The following CNTNAP5 variants were observed in gnomAD, a reference collection of about 807,000 sequenced individuals.
CNTNAP5 encodes contactin associated protein family member 5, also known as contactin-associated protein-like 5.
A neutral mutation model predicts 150.2 loss-of-function variants in CNTNAP5; 72 were observed. The observed-to-expected ratio is 0.48, with a 90% CI of 0.40 to 0.58. The LOEUF (loss-of-function observed/expected upper bound fraction) is 0.58. Among genes scored for constraint, CNTNAP5 ranks in the 20% least tolerant of loss-of-function variants. The pLI, the probability that CNTNAP5 is intolerant of heterozygous loss-of-function variation, is 0.00. For missense variants in CNTNAP5, 1,636 were observed against 1,626.2 expected (o/e 1.01, Z -0.10); for synonymous variants, 672 against 619.8 (o/e 1.08, Z -1.25).
intron 19 of CNTNAP5, among the ~76,000 whole-genome samples, chr2:124,823,976 T>C (rs1234261259): frequency 2.6e-5 from 4 of 150,966 alleles, no homozygotes; most frequent in Non-Finnish European, 5.9e-5. Flanking sequence ...TGAAGTGCAA[T>C]GGCGGGATCT....
rs779655794 is a variant in CNTNAP5 at position 124,763,742 on chromosome 2, G to C, written c.2305G>C (p.Asp769His). The change falls in exon 15 of 24, where the codon GAC becomes CAC. Residue 769 changes from aspartate to histidine, a missense_variant. Transcript: ENST00000682447. Reference protein sequence around the residue: ...PVTQIVITDTDRSNSEAAWRI... With the variant: ...PVTQIVITDTHRSNSEAAWRI... The stretch of plus-strand genomic sequence containing the variant: ...CACTCAGATAGTTATCACTGATACC[G>C]ACAGATCAAACTCAGAAGCCGCTTG... 1.2e-6 allele frequency: 2 copies of C among 1,612,980 alleles called. No individual in the cohort carries two copies. Among genetic ancestry groups the C allele is most frequent in the Non-Finnish European group, 1.7e-6 (2 of 1,179,432 alleles).
intron 13 of CNTNAP5, among the ~76,000 whole-genome samples, chr2:124,659,064 C>G (rs951136789): frequency 6.6e-6 from 1 of 152,186 alleles, no homozygotes; most frequent in Non-Finnish European, 1.5e-5. Flanking sequence ...CTCACCATCT[C>G]TAAGCCTCAG....
At chr2:124,269,557 G>C (rs1481847359) in intron 3 of CNTNAP5, among the ~76,000 whole-genome samples, 1 of 152,134 alleles carries the variant, frequency 6.6e-6, no homozygotes, top group Admixed American at 6.5e-5. Context: ...GCCATGATAA[G>C]CACCAGGGAG....
intron 13 of CNTNAP5, among the ~76,000 whole-genome samples, chr2:124,678,937 T>G (rs2105066398): frequency 6.6e-6 from 1 of 152,044 alleles, no homozygotes; most frequent in South Asian, 2.1e-4. Context: ...CAATAAATGT[T>G]TATGAAGTAA....
rs917465067 is a variant in CNTNAP5 at position 124,328,785 on chromosome 2, G to A, written c.381+86392G>A. Reference sequence around the variant, plus strand: ...AGGGGGTAGTTTTTTATCCTGATCAGGTGAAAATTAAAATCTTTAGAAAGA... The same window carrying A: ...AGGGGGTAGTTTTTTATCCTGATCAAGTGAAAATTAAAATCTTTAGAAAGA... On this transcript the variant is annotated intron_variant, in intron 3 of 23. Coordinates refer to ENST00000682447, the MANE Select transcript of CNTNAP5 (RefSeq NM_001367498.1). Among the ~76,000 whole-genome samples, 9 of 152,090 alleles carry A rather than the reference G, an allele frequency of 5.9e-5. No individual in the cohort carries two copies. In the East Asian group the frequency reaches 1.7e-3, roughly 29 times the overall value.
At chr2:124,295,792 G>T (rs1165271790) in intron 3 of CNTNAP5, among the ~76,000 whole-genome samples, 1 of 152,050 alleles carries the variant, frequency 6.6e-6, no homozygotes, top group Non-Finnish European at 1.5e-5. Context: ...CAGAACTGAG[G>T]GTTCCTCCCA....
At chr2:124,597,513 C>A (rs1003109503) in intron 11 of CNTNAP5, among the ~76,000 whole-genome samples, 12 of 150,966 alleles carry the variant, frequency 7.9e-5, no homozygotes, top group Non-Finnish European at 1.3e-4. Context: ...AAGAGATCCG[C>A]TGTTAGTCTG....
At chr2:124,863,364 A>G (rs181768894) in intron 19 of CNTNAP5, among the ~76,000 whole-genome samples, 2 of 152,338 alleles carry the variant, frequency 1.3e-5, no homozygotes, top group African/African-American at 4.8e-5. Flanking sequence ...TGATCTGCAC[A>G]GTGACTCGCC....
intron 13 of CNTNAP5, among the ~76,000 whole-genome samples, chr2:124,674,554 C>G (rs143024175): frequency 1.6e-5 from 1 of 61,476 alleles, no homozygotes; most frequent in Non-Finnish European, 3.9e-5. Context: ...TTTCTTTCTT[C>G]CTTTCTTCCT....
chr2:124,751,359 G>A (rs915930346), intron 14 of CNTNAP5, among the ~76,000 whole-genome samples: 3 of 152,144 alleles, frequency 2.0e-5, no homozygotes, highest in Non-Finnish European at 2.9e-5. Context: ...AAGGAAAGGA[G>A]GAAGGTCAAA....
chr2:124,836,370 C>G (rs992268050), intron 19 of CNTNAP5, among the ~76,000 whole-genome samples: 1 of 152,116 alleles, frequency 6.6e-6, no homozygotes, highest in African/African-American at 2.4e-5. Flanking sequence ...TAAGTGGTCT[C>G]TAAAATGAAA....
intron 12 of CNTNAP5, among the ~76,000 whole-genome samples, chr2:124,625,476 G>A (rs1319392705): frequency 2.0e-5 from 3 of 148,948 alleles, no homozygotes; most frequent in Non-Finnish European, 2.9e-5. Flanking sequence ...TAGTATAGTA[G>A]TGATCAGAAA....
At chr2:124,517,882 G>T (rs891929138) in intron 8 of CNTNAP5, among the ~76,000 whole-genome samples, 2 of 151,350 alleles carry the variant, frequency 1.3e-5, no homozygotes, top group Non-Finnish European at 2.9e-5. Context: ...TGTAGTGTTG[G>T]TGATGGAGGG....
chr2:124,698,375 T>TACACACACACACACACAC lies in CNTNAP5; in HGVS notation c.2078-48839_2078-48822dup, dbSNP rs59897587. On this transcript the variant is annotated intron_variant, in intron 13 of 23. Transcript: ENST00000682447. The stretch of plus-strand genomic sequence containing the variant: ...TAATATGCCCAAGTAGACGAGAGGA[T>TACACACACACACACACAC]ACACACACACACACACACACACACA... Among the ~76,000 whole-genome samples, 168 of 147,418 alleles carry TACACACACACACACACAC rather than the reference T, an allele frequency of 1.1e-3. 1 individual carries two copies. The highest frequency in any genetic ancestry group is 2.4e-3 in the South Asian group (11 of 4,542).
At chr2:124,421,141 T>G (rs1373058760) in intron 4 of CNTNAP5, among the ~76,000 whole-genome samples, 2 of 152,238 alleles carry the variant, frequency 1.3e-5, no homozygotes, top group Non-Finnish European at 2.9e-5. Flanking sequence ...CTGCATGCTT[T>G]GCTGAATTGA....
chr2:124,618,369 G>C (rs4848947), intron 12 of CNTNAP5, among the ~76,000 whole-genome samples: 1 of 151,864 alleles, frequency 6.6e-6, no homozygotes, highest in African/African-American at 2.4e-5. Flanking sequence ...TGGATCTCTC[G>C]TATGGCTTGT....
At chr2:124,823,222 C>T (rs1682527178) in intron 19 of CNTNAP5, among the ~76,000 whole-genome samples, 1 of 152,120 alleles carries the variant, frequency 6.6e-6, no homozygotes, top group Non-Finnish European at 1.5e-5. Flanking sequence ...CGGACATTTC[C>T]TTGTGGGATG....
At chr2:124,383,266 C>T (rs1419708775) in intron 3 of CNTNAP5, among the ~76,000 whole-genome samples, 1 of 152,202 alleles carries the variant, frequency 6.6e-6, no homozygotes, top group Admixed American at 6.5e-5. Flanking sequence ...CTGATTTAGT[C>T]TCCCATCACC....
intron 20 of CNTNAP5, among the ~76,000 whole-genome samples, chr2:124,867,073 C>A (rs1677647802): frequency 6.6e-6 from 1 of 152,154 alleles, no homozygotes; most frequent in East Asian, 1.9e-4. Context: ...TGGGTCAGAT[C>A]TGATACCCTA....
Sources: gnomAD v4.1 joint callset for allele counts (sites outside exome capture counted in the v4.1 genomes callset) on GRCh38, gnomAD v4.1.1 for gene constraint, MANE v1.5 for transcripts, NCBI Gene and HGNC (gene_info 2026-07-23, HGNC 2026-07-21) for gene names.